Variants in ANKRD27 observed in about 807,000 individuals in gnomAD.
ANKRD27 encodes the protein ankyrin repeat domain 27, also known as ankyrin repeat domain-containing protein 27.
A neutral mutation model predicts 129.7 loss-of-function variants in ANKRD27; 112 were observed. The observed-to-expected ratio is 0.86, with a 90% CI of 0.74 to 1.01. The LOEUF is 1.01. Ranked by LOEUF, ANKRD27 falls within the 50% of genes least tolerant of loss-of-function variation. The probability of loss-of-function intolerance (pLI) is 0.00; values close to 1 mark genes in which losing one functional copy is unlikely to be tolerated. For synonymous variants in ANKRD27, 516 were observed against 511.2 expected (o/e 1.01, Z -0.13); for missense variants, 1,258 against 1,300.5 (o/e 0.97, Z 0.50).
At chr19:32,661,244 CA>C (rs57129757) in intron 1 of ANKRD27, among the ~76,000 whole-genome samples, 86,549 of 149,992 alleles carry the variant, frequency 0.58, 27,026 homozygotes, top group Non-Finnish European at 0.71. Flanking sequence ...CACACACACA[CA>C]CACACATATA....
chr19:32,670,410 A>C (rs1042707752), intron 1 of ANKRD27, among the ~76,000 whole-genome samples: 6 of 152,208 alleles, frequency 3.9e-5, no homozygotes, highest in African/African-American at 1.4e-4. Flanking sequence ...AAAAATACGT[A>C]ACATGCAGGG....
Position 32,650,752 on chromosome 19 carries a change from T to TA in ANKRD27, c.103-961_103-960insT, listed in dbSNP as rs58440386. On this transcript the variant is annotated intron_variant, in intron 2 of 28. Coordinates refer to ENST00000306065, the MANE Select transcript of ANKRD27 (RefSeq NM_032139.3). ...TCTATTCTTTTCTTTACGCTTTTATTTATTTTTTTTTTTTGGAGACAGTGT... is the reference window on the plus strand; with the variant it reads ...TCTATTCTTTTCTTTACGCTTTTATTATATTTTTTTTTTTTGGAGACAGTGT... Among the ~76,000 whole-genome samples, 127 of 133,780 alleles carry TA rather than the reference T, an allele frequency of 9.5e-4. 4 individuals carry two copies. Among genetic ancestry groups the TA allele is most frequent in the East Asian group, 6.6e-4 (3 of 4,576 alleles). The allele number at this position is 133,780 out of a possible 152,430, so 87.8% of individuals were successfully genotyped here. A position where few individuals can be genotyped will look rare whatever the true frequency, so the allele number is the denominator to read the frequency against.
In ANKRD27 at chr19:32,646,517, T is replaced by G; in HGVS notation, c.312A>C (p.Lys104Asn). 1 of 1,614,148 alleles carries G rather than the reference T, an allele frequency of 6.2e-7. No individual in the cohort carries two copies. Among genetic ancestry groups the G allele is most frequent in the East Asian group, 2.2e-5 (1 of 44,888 alleles). Residue 104 changes from lysine (K) to asparagine (N), a missense_variant, in exon 4 of 29, where the codon AAA becomes AAC. Physicochemically the swap from Lys to Asn is moderately conservative, Grantham distance 94. Coordinates refer to ENST00000306065, the MANE Select transcript of ANKRD27 (RefSeq NM_032139.3). ...ILFEETFYNEKEESFSILCIA... is the reference protein window; with the variant it reads ...ILFEETFYNENEESFSILCIA... Reference sequence around the variant, plus strand: ...TACACAGGATGCTGAAACTCTCTTCTTTTTCATTGTAGAAAGTTTCTTCAA... The same window carrying G: ...TACACAGGATGCTGAAACTCTCTTCGTTTTCATTGTAGAAAGTTTCTTCAA...
intron 25 of ANKRD27, among the ~76,000 whole-genome samples, chr19:32,603,620 C>T (rs560296603): frequency 3.3e-5 from 5 of 152,204 alleles, no homozygotes; most frequent in Admixed American, 6.5e-5. Context: ...CTCACTACAG[C>T]CTTGACCTCC....
At chr19:32,658,767 C>T (rs1469074326) in intron 2 of ANKRD27, 147 bp downstream of exon 2, 1 of 693,912 alleles carries the variant, frequency 1.4e-6, no homozygotes, top group Non-Finnish European at 2.5e-6. Flanking sequence ...TCATGGGGGC[C>T]CCTCGCTGCT....
intron 1 of ANKRD27, 77 bp from the exon 2 acceptor site, chr19:32,659,122 T>C (rs938792638): frequency 1.6e-6 from 1 of 630,322 alleles, no homozygotes; most frequent in Non-Finnish European, 2.8e-6. Context: ...ATCTGATGCA[T>C]CTGGCATTTT....
chr19:32,627,883 C>T (rs1357320048), intron 15 of ANKRD27, among the ~76,000 whole-genome samples, 200 bp downstream of exon 15: 3 of 152,344 alleles, frequency 2.0e-5, no homozygotes, highest in Non-Finnish European at 2.9e-5. Flanking sequence ...GCTCAGCCAG[C>T]GCAGGAGGCA....
In ANKRD27 at chr19:32,649,674, A is replaced by AT. The variant is rs1234540037; in HGVS notation, c.213+7dup. 2 of 1,593,702 alleles carry AT rather than the reference A, an allele frequency of 1.3e-6. No homozygotes were observed. The highest frequency in any genetic ancestry group is 1.7e-5 in the Admixed American group (1 of 59,956). On this transcript the variant is annotated splice_region_variant and intron_variant, in intron 3 of 28. Coordinates refer to ENST00000306065, the MANE Select transcript of ANKRD27 (RefSeq NM_032139.3). ...GTGACCCTGGCTGATCCACCAAGAA[A>AT]TGAATACCTTTCCATTTAAGGTCTG...
intron 1 of ANKRD27, among the ~76,000 whole-genome samples, chr19:32,661,431 A>T (rs1175595484): frequency 1.3e-5 from 2 of 152,078 alleles, no homozygotes; most frequent in African/African-American, 4.8e-5. Flanking sequence ...CCTGGGCTCA[A>T]GTGATCTCCC....
chr19:32,608,170 ATTT>A lies in ANKRD27; in HGVS notation c.2176-341_2176-339del, dbSNP rs3042665. Among the ~76,000 whole-genome samples the A allele has an allele frequency of 2.9e-3, 403 of 140,112 alleles. 2 individuals are homozygous for A. The highest frequency in any genetic ancestry group is 9.8e-3 in the African/African-American group (352 of 35,870). The allele number at this position is 140,112 out of a possible 152,430, so 91.9% of individuals were successfully genotyped here. A position where few individuals can be genotyped will look rare whatever the true frequency, so the allele number is the denominator to read the frequency against. ...AGGTGCAAGCCATTGTGCCCAGCTA[ATTT>A]TTTTTTTTTTTTTTTTTTGTAGAGA... On this transcript the variant is annotated intron_variant, in intron 22 of 28. Coordinates refer to ENST00000306065, the MANE Select transcript of ANKRD27 (RefSeq NM_032139.3).
chr19:32,646,645 G>C, intron 3 of ANKRD27, 30 bp from the exon 4 acceptor site: 4 of 1,602,554 alleles, frequency 2.5e-6, no homozygotes, highest in Non-Finnish European at 2.6e-6. Flanking sequence ...CACTGCACCA[G>C]CAGCCGGGGC....
intron 11 of ANKRD27, 35 bp downstream of exon 11, chr19:32,640,272 C>A: frequency 6.3e-7 from 1 of 1,586,046 alleles, no homozygotes; most frequent in South Asian, 1.1e-5. Flanking sequence ...CAAGCACTGC[C>A]ATTTTCAAAA....
intron 22 of ANKRD27, 88 bp downstream of exon 22, chr19:32,615,570 C>T (rs1203785972): frequency 6.9e-6 from 11 of 1,603,560 alleles, no homozygotes; most frequent in African/African-American, 1.3e-5. Flanking sequence ...GGTGACAGAA[C>T]GAGACCCTGT....
At position 32,602,333 on chromosome 19, in the gene ANKRD27, G is replaced by T. The variant is rs553136885; in HGVS notation, c.2656-207C>A. Among the ~76,000 whole-genome samples the T allele has an allele frequency of 5.3e-5, 8 of 152,028 alleles. No homozygotes were observed. In the South Asian group the frequency reaches 1.2e-3, roughly 24 times the overall value. ...GCTCTGCTTTTACCACTGGGTAAAA[G>T]CTCTGCCCTCTCTGTGGACTCCACG... is the stretch of plus-strand genomic sequence containing the variant. On this transcript the variant is annotated intron_variant, in intron 25 of 28. Transcript: ENST00000306065.
chr19:32,608,835 C>A (rs1312170810), intron 22 of ANKRD27, among the ~76,000 whole-genome samples: 1 of 152,050 alleles, frequency 6.6e-6, no homozygotes, highest in African/African-American at 2.4e-5. Flanking sequence ...GCCTGTAATC[C>A]CAGCTACATT....
At chr19:32,607,136 T>G (rs12460624) in intron 23 of ANKRD27, among the ~76,000 whole-genome samples, 2 of 127,692 alleles carry the variant, frequency 1.6e-5, no homozygotes, top group African/African-American at 6.2e-5. Flanking sequence ...CAGAGCAAGG[T>G]GATGTCTTAA....
chr19:32,665,217 A>C (rs1235621414), intron 1 of ANKRD27, among the ~76,000 whole-genome samples: 1 of 152,014 alleles, frequency 6.6e-6, no homozygotes, highest in Non-Finnish European at 1.5e-5. Flanking sequence ...ATATCAAATG[A>C]ATCAGAATCA....
Position 32,626,777 on chromosome 19 carries a change from C to A in ANKRD27, c.1471G>T (p.Ala491Ser). Reference protein sequence around the residue: ...LLVSKGAMVNATDYHGATPLH... With the variant: ...LLVSKGAMVNSTDYHGATPLH... The stretch of plus-strand genomic sequence containing the variant: ...GGAGTGGCTCCATGGTAGTCTGTGG[C>A]ATTTACCATGGCGCCCTTGGAAACC... Residue 491 changes from alanine to serine, a missense_variant, in exon 16 of 29, where the codon GCC becomes TCC. Ala to Ser is a moderately conservative substitution (Grantham distance 99). Transcript: ENST00000306065. The A allele has an allele frequency of 6.2e-7, 1 of 1,612,634 alleles. No homozygotes were observed. The highest frequency in any genetic ancestry group is 2.2e-5 in the East Asian group (1 of 44,814).
intron 25 of ANKRD27, among the ~76,000 whole-genome samples, chr19:32,602,425 T>A (rs1292064665): frequency 6.6e-6 from 1 of 152,064 alleles, no homozygotes; most frequent in African/African-American, 2.4e-5. Context: ...ATGCTTATCA[T>A]GAGGCTGTTG....
Sources: gnomAD v4.1 joint callset for allele counts (sites outside exome capture counted in the v4.1 genomes callset) on GRCh38, gnomAD v4.1.1 for gene constraint, MANE v1.5 for transcripts, NCBI Gene and HGNC (gene_info 2026-07-23, HGNC 2026-07-21) for gene names.